Variants in EQTN observed in about 807,000 individuals in gnomAD.
EQTN encodes Acrosome formation associated factor.
EQTN carries 29 observed loss-of-function variants against 26.9 expected under a neutral mutation model. The observed-to-expected ratio is 1.08, with a 90% CI of 0.80 to 1.47. The LOEUF (loss-of-function observed/expected upper bound fraction) is 1.47. EQTN is among the 40% of genes most tolerant of loss of function. EQTN has a pLI of 0.00. For synonymous variants in EQTN, 129 were observed against 120.0 expected (o/e 1.07, Z -0.49); for missense variants, 391 against 346.1 (o/e 1.13, Z -1.03).
intron 2 of EQTN, among the ~76,000 whole-genome samples, chr9:27,295,859 G>T (rs7867737): frequency 7.8e-6 from 1 of 128,402 alleles, no homozygotes; most frequent in Non-Finnish European, 1.6e-5. Flanking sequence ...AAAAAACAAC[G>T]ATAAAATTAC....
rs375937866 is a variant in EQTN at position 27,294,417 on chromosome 9, GAAAGTCTTCAGC to G, written c.203-27_203-16del. 8.1e-4 allele frequency: 1,240 copies of G among 1,538,838 alleles called. 7 individuals are homozygous for G. In the African/African-American group the frequency reaches 0.015, roughly 19 times the overall value. On this transcript the variant is annotated splice_polypyrimidine_tract_variant and intron_variant, in intron 2 of 7. Coordinates refer to ENST00000380032, the MANE Select transcript of EQTN (RefSeq NM_020641.3). ...TGTGAACACATCTAAAAACAAAAGC[GAAAGTCTTCAGC>G]AACTAGCTAAGTCACTTTTTTTCCT...
intron 6 of EQTN, among the ~76,000 whole-genome samples, chr9:27,287,330 C>T (rs184175510): frequency 7.0e-4 from 106 of 152,268 alleles, no homozygotes; most frequent in Non-Finnish European, 4.1e-4. Context: ...TTTAATGCTT[C>T]GAGGCCTGTT....
chr9:27,292,131 C>T (rs756639667), intron 4 of EQTN: 19 of 203,892 alleles, frequency 9.3e-5, no homozygotes, highest in Admixed American at 5.3e-4. Context: ...TTTGTAAGTA[C>T]GTATTTAATA....
chr9:27,286,630 T>C (rs1398353734), intron 6 of EQTN, among the ~76,000 whole-genome samples: 5 of 152,218 alleles, frequency 3.3e-5, no homozygotes, highest in Admixed American at 3.3e-4. Flanking sequence ...TGTTTGCGCA[T>C]AGCACATAGT....
At chr9:27,294,143 G>T (rs143768367) in intron 3 of EQTN, among the ~76,000 whole-genome samples, 173 bp downstream of exon 3, 54 of 152,332 alleles carry the variant, frequency 3.5e-4, no homozygotes, top group African/African-American at 1.2e-3. Flanking sequence ...GAGAAAAGCA[G>T]AGAGGATGGC....
chr9:27,292,470 T>C lies in EQTN; in HGVS notation c.307A>G (p.Thr103Ala), dbSNP rs1235070306. The C allele has an allele frequency of 1.9e-6, 3 of 1,604,702 alleles. No individual in the cohort carries two copies. In the African/African-American group the frequency reaches 4.0e-5, roughly 22 times the overall value. ...ALKNDKTVNA[T>A]TYEKSTIEEE... ...TCAATGGTGGATTTTTCATATGTAGTTGCATTGACAGTTTTATCTAGGAAA... is the reference window on the plus strand; with the variant it reads ...TCAATGGTGGATTTTTCATATGTAGCTGCATTGACAGTTTTATCTAGGAAA... Residue 103 changes from threonine to alanine, a missense_variant, in exon 4 of 8, where the codon ACT becomes GCT. Thr to Ala is a moderately conservative substitution (Grantham distance 58). Transcript: ENST00000380032.
chr9:27,290,206 A>T (rs1820204059), intron 5 of EQTN, among the ~76,000 whole-genome samples: 1 of 152,152 alleles, frequency 6.6e-6, no homozygotes, highest in Non-Finnish European at 1.5e-5. Flanking sequence ...AAAATCATCA[A>T]CAAAAAAGCA....
At chr9:27,295,831 CA>C (rs67401588) in intron 2 of EQTN, among the ~76,000 whole-genome samples, 18,856 of 68,372 alleles carry the variant, frequency 0.28, 392 homozygotes, top group Non-Finnish European at 0.3. Flanking sequence ...GACTCCGTCT[CA>C]AAAAAAAAAA....
intron 3 of EQTN, 27 bp downstream of exon 3, chr9:27,294,289 T>C: frequency 1.3e-6 from 2 of 1,522,644 alleles, no homozygotes; most frequent in Non-Finnish European, 1.8e-6. Flanking sequence ...GGCTTTTACA[T>C]GTGCAATGGT....
Position 27,289,461 on chromosome 9 carries a change from G to T in EQTN, c.481+211C>A, listed in dbSNP as rs547100158. ...ACTTTGGTTCATTTGTTGAGACAGG[G>T]TCTCACTCTGTCGCTCAGGCTGGAG... On this transcript the variant is annotated intron_variant, in intron 6 of 7. Coordinates refer to ENST00000380032, the MANE Select transcript of EQTN (RefSeq NM_020641.3). Among the ~76,000 whole-genome samples the T allele has an allele frequency of 3.2e-4, 48 of 152,244 alleles. No individual in the cohort carries two copies. The South Asian group carries it at 9.8e-3, about 31-fold the overall frequency.
At chr9:27,295,336 G>T (rs142102128) in intron 2 of EQTN, among the ~76,000 whole-genome samples, 1 of 152,136 alleles carries the variant, frequency 6.6e-6, no homozygotes, top group East Asian at 1.9e-4. Context: ...TTGAAACACT[G>T]GTATCTTTCT....
intron 5 of EQTN, 91 bp from the exon 6 acceptor site, chr9:27,289,822 A>T: frequency 1.1e-6 from 1 of 942,058 alleles, no homozygotes. Context: ...TATAGTACCC[A>T]GTGTGTGTAC....
intron 2 of EQTN, among the ~76,000 whole-genome samples, chr9:27,296,052 G>A (rs1253077525): frequency 2.0e-5 from 3 of 152,126 alleles, no homozygotes; most frequent in Non-Finnish European, 4.4e-5. Flanking sequence ...TGTAATCCTA[G>A]CACTTTGGGA....
chr9:27,296,819 C>T, intron 1 of EQTN, 81 bp from the exon 2 acceptor site: 1 of 1,572,600 alleles, frequency 6.4e-7, no homozygotes, highest in Non-Finnish European at 8.6e-7. Context: ...GCATTTTTTT[C>T]ACAAAGGATT....
At position 27,296,602 on chromosome 9, in the gene EQTN, T is replaced by G. The variant is rs1467032631; in HGVS notation, c.202+11A>C. The G allele has an allele frequency of 6.8e-7, 1 of 1,474,356 alleles. No homozygotes were observed. The highest frequency in any genetic ancestry group is 2.0e-5 in the Admixed American group (1 of 50,748). The allele number at this position is 1,474,356 out of a possible 1,614,324, so 91.3% of individuals were successfully genotyped here. ...TTTGCATATACATTTCTATTCACTT[T>G]AAAGACTTACATTGTTTTATATCTT... On this transcript the variant is annotated intron_variant, in intron 2 of 7. Transcript: ENST00000380032.
intron 7 of EQTN, 87 bp from the exon 8 acceptor site, chr9:27,285,059 T>A: frequency 8.0e-7 from 1 of 1,244,710 alleles, no homozygotes; most frequent in Non-Finnish European, 1.1e-6. Flanking sequence ...AAAATTAAAA[T>A]ATACGAATTT....
intron 6 of EQTN, among the ~76,000 whole-genome samples, chr9:27,288,973 G>C (rs749852880): frequency 6.6e-6 from 1 of 152,104 alleles, no homozygotes; most frequent in Admixed American, 6.6e-5. Flanking sequence ...CCAAAGACCT[G>C]TATAATACAG....
chr9:27,290,902 G>T, intron 5 of EQTN, 117 bp downstream of exon 5: 2 of 728,342 alleles, frequency 2.7e-6, no homozygotes, highest in Non-Finnish European at 4.2e-6. Flanking sequence ...TATTACATGT[G>T]GCAACAAAAT....
At chr9:27,285,245 G>A (rs1440130161) in intron 7 of EQTN, among the ~76,000 whole-genome samples, 2 of 137,354 alleles carry the variant, frequency 1.5e-5, no homozygotes, top group Middle Eastern at 3.8e-3. Flanking sequence ...CCAGGGGCAC[G>A]CGATTCTCCT....
Sources: allele counts gnomAD v4.1 joint callset (sites outside exome capture counted in the v4.1 genomes callset), GRCh38; gene constraint gnomAD v4.1.1; transcripts MANE v1.5; gene names NCBI Gene and HGNC (gene_info 2026-07-23, HGNC 2026-07-21).